The following SAMD12 variants were observed in gnomAD, a reference collection of about 807,000 sequenced individuals.
SAMD12 encodes the protein sterile alpha motif domain containing 12.
In SAMD12, 9 loss-of-function variants were observed where a neutral mutation model predicts 15.0. The ratio of observed to expected loss-of-function variants is 0.60; its 90% confidence interval spans 0.36 to 1.05. SAMD12 has a LOEUF of 1.05. Ranked by LOEUF, SAMD12 falls within the 50% of genes least tolerant of loss-of-function variation. The pLI is 0.01. For synonymous variants in SAMD12, 86 were observed against 90.1 expected, an observed-to-expected ratio of 0.96 and a Z score of 0.25; for missense variants, 230 against 234.2, an observed-to-expected ratio of 0.98 and a Z score of 0.12.
intron 2 of SAMD12, among the ~76,000 whole-genome samples, chr8:118,509,348 C>G (rs1038562302): frequency 1.3e-5 from 2 of 152,180 alleles, no homozygotes; most frequent in African/African-American, 4.8e-5. Flanking sequence ...ATTAAACTCA[C>G]AGGCCAGACA....
intron 4 of SAMD12, among the ~76,000 whole-genome samples, chr8:118,333,372 T>C (rs6998566): frequency 0.15 from 23,218 of 152,164 alleles, 4,251 homozygotes; most frequent in African/African-American, 0.43. Context: ...CACCAAGTTC[T>C]ACCACTCCCT....
At chr8:118,321,452 A>G (rs7018387) in intron 4 of SAMD12, among the ~76,000 whole-genome samples, 52,550 of 151,144 alleles carry the variant, frequency 0.35, 10,687 homozygotes, top group African/African-American at 0.57. Flanking sequence ...CGTCTCTCCT[A>G]AAAATACAAA....
At chr8:118,324,416 C>T (rs895799581) in intron 4 of SAMD12, among the ~76,000 whole-genome samples, 2 of 152,082 alleles carry the variant, frequency 1.3e-5, no homozygotes, top group Non-Finnish European at 2.9e-5. Flanking sequence ...GTGGGTCTTA[C>T]AAGGATTACC....
intron 4 of SAMD12, among the ~76,000 whole-genome samples, chr8:118,329,829 G>A (rs148724458): frequency 6.6e-6 from 1 of 152,188 alleles, no homozygotes; most frequent in African/African-American, 2.4e-5. Context: ...CATCATAATT[G>A]CAGATGAATG....
At chr8:118,543,562 T>C (rs886362870) in intron 2 of SAMD12, among the ~76,000 whole-genome samples, 4 of 152,026 alleles carry the variant, frequency 2.6e-5, no homozygotes, top group Non-Finnish European at 5.9e-5. Flanking sequence ...GCTTTAAATG[T>C]GGCCTAACAC....
chr8:118,223,716 A>C (rs1007665031), intron 4 of SAMD12, among the ~76,000 whole-genome samples: 6 of 152,228 alleles, frequency 3.9e-5, no homozygotes, highest in African/African-American at 1.4e-4. Flanking sequence ...ATGTAATATA[A>C]AAGCAATAAT....
intron 4 of SAMD12, among the ~76,000 whole-genome samples, chr8:118,217,609 T>C (rs147418334): frequency 9.8e-5 from 15 of 152,312 alleles, no homozygotes; most frequent in Middle Eastern, 3.4e-3. Flanking sequence ...TGCTATTGCA[T>C]GGACTAGTCC....
intron 4 of SAMD12, among the ~76,000 whole-genome samples, chr8:118,331,058 T>C (rs1478808354): frequency 6.6e-6 from 1 of 152,156 alleles, no homozygotes; most frequent in Non-Finnish European, 1.5e-5. Flanking sequence ...TCAGTGGGTC[T>C]TGGGTCAGGC....
chr8:118,205,693 G>A (rs1586341365), intron 4 of SAMD12, among the ~76,000 whole-genome samples: 1 of 152,058 alleles, frequency 6.6e-6, no homozygotes, highest in Admixed American at 6.5e-5. Flanking sequence ...CTCACCCCTT[G>A]GTGTTATTGT....
the SAMD12 span, among the ~76,000 whole-genome samples, chr8:118,139,779 T>G: frequency 6.6e-6 from 1 of 152,212 alleles, no homozygotes; most frequent in East Asian, 1.9e-4. Context: ...GGACCCCGTA[T>G]CTTCTTCCCA....
At chr8:118,571,812 G>T (rs941138253) in intron 2 of SAMD12, among the ~76,000 whole-genome samples, 4 of 152,166 alleles carry the variant, frequency 2.6e-5, no homozygotes, top group Non-Finnish European at 4.4e-5. Flanking sequence ...TAGGGGCAGG[G>T]TCCTCATGGA....
At chr8:118,517,895 T>C (rs994893917) in intron 2 of SAMD12, among the ~76,000 whole-genome samples, 4 of 152,166 alleles carry the variant, frequency 2.6e-5, no homozygotes, top group African/African-American at 9.7e-5. Flanking sequence ...ACTGGAAATG[T>C]TGTCTTCAGT....
chr8:118,309,375 T>G (rs1815514545), intron 4 of SAMD12, among the ~76,000 whole-genome samples: 1 of 139,236 alleles, frequency 7.2e-6, no homozygotes, highest in South Asian at 2.1e-4. Flanking sequence ...ATATTTGAGA[T>G]ATATATGTGT....
At chr8:118,586,709 G>T (rs1241634497) in intron 1 of SAMD12, among the ~76,000 whole-genome samples, 1 of 152,028 alleles carries the variant, frequency 6.6e-6, no homozygotes, top group African/African-American at 2.4e-5. Flanking sequence ...TTATTGACAG[G>T]TCTGCTAAAT....
At chr8:118,359,021 GTGTGTA>G (rs1394532327) in intron 4 of SAMD12, among the ~76,000 whole-genome samples, 4 of 152,024 alleles carry the variant, frequency 2.6e-5, no homozygotes, top group African/African-American at 9.6e-5. Flanking sequence ...GTGTGTGTGT[GTGTGTA>G]TATATATATA....
chr8:118,411,901 T>A (rs1821427319), intron 3 of SAMD12, among the ~76,000 whole-genome samples: 1 of 152,194 alleles, frequency 6.6e-6, no homozygotes, highest in African/African-American at 2.4e-5. Context: ...CAAGAGTTGG[T>A]CAACTACAGC....
At chr8:118,142,029 A>G in the SAMD12 span, among the ~76,000 whole-genome samples, 1 of 152,184 alleles carries the variant, frequency 6.6e-6, no homozygotes, top group Non-Finnish European at 1.5e-5. Flanking sequence ...TCAGTAGCTA[A>G]TAACCACGCA....
chr8:118,412,503 T>A (rs1190219715), intron 3 of SAMD12, among the ~76,000 whole-genome samples: 2 of 152,174 alleles, frequency 1.3e-5, no homozygotes, highest in African/African-American at 4.8e-5. Flanking sequence ...ATTCCTTCTA[T>A]AGAAAAGTGG....
intron 2 of SAMD12, among the ~76,000 whole-genome samples, chr8:118,576,822 G>A (rs1031693939): frequency 6.6e-6 from 1 of 152,204 alleles, no homozygotes; most frequent in South Asian, 2.1e-4. Context: ...TTGTATCAAA[G>A]AGACTCATCC....
Sources: gnomAD v4.1 joint callset for allele counts (sites outside exome capture counted in the v4.1 genomes callset) on GRCh38, gnomAD v4.1.1 for gene constraint, MANE v1.5 for transcripts, NCBI Gene and HGNC (gene_info 2026-07-23, HGNC 2026-07-21) for gene names.